Variants in LRRTM4 observed in about 807,000 individuals in gnomAD.
LRRTM4 encodes leucine-rich repeat transmembrane neuronal protein 4.
In LRRTM4, 25 loss-of-function variants were observed where a neutral mutation model predicts 47.6. The observed-to-expected ratio is 0.53, with a 90% CI of 0.38 to 0.73. The LOEUF (loss-of-function observed/expected upper bound fraction) is 0.73, where lower values mean the gene tolerates loss of function less well. Ranked by LOEUF, LRRTM4 falls within the 30% of genes least tolerant of loss-of-function variation. LRRTM4 has a pLI of 0.00. For missense variants in LRRTM4, 638 were observed against 713.4 expected (o/e 0.89, Z 1.20); for synonymous variants, 311 against 269.5 (o/e 1.15, Z -1.51).
intron 3 of LRRTM4, among the ~76,000 whole-genome samples, chr2:77,003,522 C>T (rs1026633195): frequency 6.6e-6 from 1 of 152,122 alleles, no homozygotes; most frequent in African/African-American, 2.4e-5. Flanking sequence ...GGAAGTTTCC[C>T]TGTATATCAC....
chr2:76,787,891 A>G (rs1674766869), intron 3 of LRRTM4, among the ~76,000 whole-genome samples: 1 of 152,166 alleles, frequency 6.6e-6, no homozygotes, highest in Non-Finnish European at 1.5e-5. Flanking sequence ...AGCCAATTAG[A>G]ATATCTGCCT....
intron 3 of LRRTM4, among the ~76,000 whole-genome samples, chr2:77,503,238 C>G (rs1678642775): frequency 6.6e-6 from 1 of 151,256 alleles, no homozygotes; most frequent in Admixed American, 6.6e-5. Flanking sequence ...AAAATTGTCA[C>G]TAGTAAAGAT....
At chr2:76,780,137 A>T (rs928686387) in intron 3 of LRRTM4, among the ~76,000 whole-genome samples, 27 of 152,226 alleles carry the variant, frequency 1.8e-4, no homozygotes, top group South Asian at 6.2e-4. Flanking sequence ...ATCCGCTGTT[A>T]GTCTGATGGG....
At chr2:76,891,755 A>G (rs372005819) in intron 3 of LRRTM4, among the ~76,000 whole-genome samples, 5 of 151,934 alleles carry the variant, frequency 3.3e-5, no homozygotes, top group Admixed American at 1.3e-4. Flanking sequence ...ACAAATCCAT[A>G]TAAGTACTAG....
At chr2:77,082,599 G>C (rs1680567943) in intron 3 of LRRTM4, among the ~76,000 whole-genome samples, 1 of 151,872 alleles carries the variant, frequency 6.6e-6, no homozygotes, top group South Asian at 2.1e-4. Context: ...GCTTAATAAA[G>C]TGAAAAACAG....
intron 3 of LRRTM4, among the ~76,000 whole-genome samples, chr2:77,160,669 A>C (rs1231806364): frequency 6.6e-6 from 1 of 152,122 alleles, no homozygotes; most frequent in African/African-American, 2.4e-5. Flanking sequence ...TTTAAGGCTT[A>C]AAAATAAGAG....
chr2:76,944,055 C>T (rs1210623067), intron 3 of LRRTM4, among the ~76,000 whole-genome samples: 1 of 152,126 alleles, frequency 6.6e-6, no homozygotes, highest in South Asian at 2.1e-4. Flanking sequence ...TATGATCGCC[C>T]TACTCTCTGA....
intron 3 of LRRTM4, among the ~76,000 whole-genome samples, chr2:77,364,229 T>C (rs184581356): frequency 6.6e-5 from 10 of 152,268 alleles, no homozygotes; most frequent in African/African-American, 2.4e-4. Flanking sequence ...GACAAGTGGC[T>C]TCTGAGCACA....
chr2:77,034,461 T>A (rs928655239), intron 3 of LRRTM4, among the ~76,000 whole-genome samples: 22 of 151,950 alleles, frequency 1.4e-4, no homozygotes, highest in African/African-American at 5.3e-4. Flanking sequence ...TGCTCAATTT[T>A]TAAAAACATG....
At chr2:77,403,970 T>C (rs906147641) in intron 3 of LRRTM4, among the ~76,000 whole-genome samples, 3 of 151,778 alleles carry the variant, frequency 2.0e-5, no homozygotes, top group Non-Finnish European at 4.4e-5. Context: ...TAAAGAATCA[T>C]TTAAAAATTT....
At chr2:76,914,779 T>C (rs1237672063) in intron 3 of LRRTM4, among the ~76,000 whole-genome samples, 7 of 152,212 alleles carry the variant, frequency 4.6e-5, no homozygotes, top group African/African-American at 1.7e-4. Flanking sequence ...TTAGATTAAT[T>C]TTCAGGTTTA....
chr2:76,957,417 A>G (rs1410578793), intron 3 of LRRTM4, among the ~76,000 whole-genome samples: 2 of 151,802 alleles, frequency 1.3e-5, no homozygotes, highest in Non-Finnish European at 2.9e-5. Flanking sequence ...GTTTTTCCAC[A>G]GTGATAACAA....
chr2:77,051,346 G>A (rs939345438), intron 3 of LRRTM4, among the ~76,000 whole-genome samples: 14 of 152,060 alleles, frequency 9.2e-5, no homozygotes, highest in African/African-American at 3.4e-4. Context: ...CATAAAAGCA[G>A]GATCTGTTTA....
chr2:77,136,512 C>A (rs1283036865), intron 3 of LRRTM4, among the ~76,000 whole-genome samples: 1 of 152,042 alleles, frequency 6.6e-6, no homozygotes, highest in Non-Finnish European at 1.5e-5. Context: ...GTAGTAAAAC[C>A]AAAAAGATGG....
At chr2:76,968,256 T>A (rs192499151) in intron 3 of LRRTM4, among the ~76,000 whole-genome samples, 1,781 of 146,572 alleles carry the variant, frequency 0.012, 33 homozygotes, top group African/African-American at 0.042. Context: ...AAATTCTTTT[T>A]AAAAAAAACA....
At chr2:76,862,027 ATATATT>A (rs1298148900) in intron 3 of LRRTM4, among the ~76,000 whole-genome samples, 1 of 151,666 alleles carries the variant, frequency 6.6e-6, no homozygotes, top group African/African-American at 2.4e-5. Context: ...CTTAGTACAA[ATATATT>A]TATATACAGC....
chr2:76,887,625 C>A (rs953520719), intron 3 of LRRTM4, among the ~76,000 whole-genome samples: 1 of 149,264 alleles, frequency 6.7e-6, no homozygotes, highest in Admixed American at 6.7e-5. Context: ...ATATGATACA[C>A]ACTGTATATG....
Position 76,798,438 on chromosome 2 carries a change from C to T in LRRTM4, c.1552-49522G>A, listed in dbSNP as rs557078066. On this transcript the variant is annotated intron_variant, in intron 3 of 3. Transcript: ENST00000409884. The stretch of plus-strand genomic sequence containing the variant: ...ACACAACATACCAGAATCTCTGGGA[C>T]GCATTCAAAGCAGTGTGTAGAGGGA... 9.2e-3 allele frequency among the ~76,000 whole-genome samples: 1,380 copies of T among 150,716 alleles called. 9 individuals are homozygous for T. The highest frequency in any genetic ancestry group is 0.023 in the South Asian group (105 of 4,640).
intron 3 of LRRTM4, among the ~76,000 whole-genome samples, chr2:76,899,018 G>A (rs973273937): frequency 2.0e-5 from 3 of 151,920 alleles, no homozygotes; most frequent in Non-Finnish European, 4.4e-5. Context: ...GTAGAGAAAG[G>A]AAGGTTTATG....
Sources: gnomAD v4.1 joint callset for allele counts (sites outside exome capture counted in the v4.1 genomes callset) on GRCh38, gnomAD v4.1.1 for gene constraint, MANE v1.5 for transcripts, NCBI Gene and HGNC (gene_info 2026-07-23, HGNC 2026-07-21) for gene names.